The following ARHGAP15 variants were observed in gnomAD, a reference collection of about 807,000 sequenced individuals.
The protein encoded by ARHGAP15 is Rho GTPase activating protein 15.
A neutral mutation model predicts 63.7 loss-of-function variants in ARHGAP15; 51 were observed. The ratio of observed to expected loss-of-function variants is 0.80; its 90% CI spans 0.64 to 1.01. The LOEUF is 1.01. Among genes scored for constraint, ARHGAP15 ranks in the 50% least tolerant of loss-of-function variants. The pLI, the probability that ARHGAP15 is intolerant of heterozygous loss-of-function variation, is 0.00. For missense variants in ARHGAP15, 560 were observed against 564.6 expected (o/e 0.99, Z 0.08); for synonymous variants, 191 against 193.8 (o/e 0.99, Z 0.12).
chr2:143,706,866 G>A (rs1237523100), intron 13 of ARHGAP15, among the ~76,000 whole-genome samples: 1 of 152,102 alleles, frequency 6.6e-6, no homozygotes, highest in Non-Finnish European at 1.5e-5. Context: ...AGGTCCTCTG[G>A]TACCTTCTGA....
chr2:143,202,219 T>C lies in ARHGAP15; in HGVS notation c.234+17T>C, dbSNP rs781617647. ...GAACAACTGGTGAGTGTTTAAGTCA[T>C]TATATTCTTCATCTACTGATACAAA... On this transcript the variant is annotated intron_variant, in intron 3 of 13. Transcript: ENST00000295095. The C allele has an allele frequency of 6.3e-7, 1 of 1,591,332 alleles. No homozygotes were observed. Among genetic ancestry groups the C allele is most frequent in the Admixed American group, 1.7e-5 (1 of 59,786 alleles).
chr2:143,435,556 G>A, intron 6 of ARHGAP15, 45 bp from the exon 7 acceptor site: 6 of 1,495,774 alleles, frequency 4.0e-6, no homozygotes, highest in Non-Finnish European at 5.3e-6. Flanking sequence ...ATCTTACATA[G>A]TTTCTTTACC....
At chr2:143,312,440 TATATG>T (rs1360204071) in intron 6 of ARHGAP15, among the ~76,000 whole-genome samples, 2 of 152,104 alleles carry the variant, frequency 1.3e-5, no homozygotes, top group African/African-American at 2.4e-5. Context: ...CTTTCTATAT[TATATG>T]GCAATCTCTG....
chr2:143,361,641 T>C (rs141065298), intron 6 of ARHGAP15, among the ~76,000 whole-genome samples: 226 of 152,308 alleles, frequency 1.5e-3, no homozygotes, highest in African/African-American at 5.1e-3. Flanking sequence ...TGTCCATCTT[T>C]ACTATTTATG....
At chr2:143,411,515 G>T (rs1477620715) in intron 6 of ARHGAP15, among the ~76,000 whole-genome samples, 2 of 152,076 alleles carry the variant, frequency 1.3e-5, no homozygotes. Flanking sequence ...CTAGTTATTT[G>T]TGTGTTTTGT....
chr2:143,186,625 C>T (rs984398454), intron 2 of ARHGAP15, among the ~76,000 whole-genome samples: 3 of 152,130 alleles, frequency 2.0e-5, no homozygotes, highest in East Asian at 1.9e-4. Context: ...TTTTATCAGC[C>T]TTCACATTTC....
chr2:143,499,321 G>A (rs1039469933), intron 9 of ARHGAP15, among the ~76,000 whole-genome samples: 4 of 152,106 alleles, frequency 2.6e-5, no homozygotes, highest in South Asian at 2.1e-4. Context: ...CAGATGCCTC[G>A]AGATATTAAA....
intron 5 of ARHGAP15, among the ~76,000 whole-genome samples, chr2:143,232,703 G>A (rs1693494743): frequency 6.6e-6 from 1 of 152,086 alleles, no homozygotes; most frequent in African/African-American, 2.4e-5. Flanking sequence ...CTTCTCTGGA[G>A]TTAGCCAAGA....
intron 6 of ARHGAP15, among the ~76,000 whole-genome samples, chr2:143,425,124 A>G (rs575975764): frequency 1.7e-3 from 262 of 152,248 alleles, no homozygotes; most frequent in African/African-American, 6.1e-3. Flanking sequence ...AAGTGGTAAC[A>G]TTTCAATACA....
intron 12 of ARHGAP15, among the ~76,000 whole-genome samples, chr2:143,685,805 T>TTGTC (rs1264669956): frequency 3.9e-5 from 6 of 152,198 alleles, no homozygotes; most frequent in Admixed American, 6.5e-5. Context: ...TTAACTCAAT[T>TTGTC]TGTCAGGAAA....
At chr2:143,148,449 A>C (rs1689680750) in intron 1 of ARHGAP15, among the ~76,000 whole-genome samples, 1 of 152,068 alleles carries the variant, frequency 6.6e-6, no homozygotes, top group Non-Finnish European at 1.5e-5. Flanking sequence ...GGAGTTTGAA[A>C]GGTTAAGAGC....
At chr2:143,419,690 T>A (rs1688835058) in intron 6 of ARHGAP15, among the ~76,000 whole-genome samples, 1 of 151,956 alleles carries the variant, frequency 6.6e-6, no homozygotes, top group Non-Finnish European at 1.5e-5. Context: ...ACATAACATA[T>A]GTATTAAAGA....
intron 1 of ARHGAP15, among the ~76,000 whole-genome samples, chr2:143,144,117 A>G (rs1437263991): frequency 6.6e-6 from 1 of 152,060 alleles, no homozygotes; most frequent in Non-Finnish European, 1.5e-5. Flanking sequence ...ATGACTGTAT[A>G]GTATTCCATA....
intron 13 of ARHGAP15, among the ~76,000 whole-genome samples, chr2:143,728,256 G>A (rs958793634): frequency 6.6e-6 from 1 of 152,008 alleles, no homozygotes; most frequent in Non-Finnish European, 1.5e-5. Context: ...TTTCCCTGGT[G>A]TCTCTCTGCG....
rs532128800 is a variant in ARHGAP15, at chr2:143,330,201, G to C, written c.474+79601G>C. Among the ~76,000 whole-genome samples, 6 of 146,050 alleles carry C rather than the reference G, an allele frequency of 4.1e-5. No individual in the cohort carries two copies. The South Asian group carries it at 1.3e-3, about 33-fold the overall frequency. On this transcript the variant is annotated intron_variant, in intron 6 of 13. Transcript: ENST00000295095. ...AAATTGGCATTAACTTCAATGTTTA[G>C]TGTTTATTTGTCAAAAGCAAGACAG... is the stretch of plus-strand genomic sequence containing the variant.
At chr2:143,419,178 A>G (rs936037146) in intron 6 of ARHGAP15, among the ~76,000 whole-genome samples, 2 of 152,002 alleles carry the variant, frequency 1.3e-5, no homozygotes, top group Non-Finnish European at 2.9e-5. Flanking sequence ...GCCTAATTAT[A>G]AAAGAAATGC....
intron 10 of ARHGAP15, among the ~76,000 whole-genome samples, chr2:143,546,773 A>G (rs1695352247): frequency 6.6e-6 from 1 of 152,192 alleles, no homozygotes; most frequent in Admixed American, 6.5e-5. Flanking sequence ...ACAACATAAA[A>G]GAAACTCAGA....
chr2:143,356,487 A>G (rs1685816061), intron 6 of ARHGAP15, among the ~76,000 whole-genome samples: 1 of 152,160 alleles, frequency 6.6e-6, no homozygotes, highest in African/African-American at 2.4e-5. Context: ...AAATAGTGCG[A>G]AACACTCCAG....
intron 1 of ARHGAP15, among the ~76,000 whole-genome samples, chr2:143,154,195 G>T (rs1442865035): frequency 6.6e-6 from 1 of 151,632 alleles, no homozygotes; most frequent in Non-Finnish European, 1.5e-5. Context: ...TTTTATAGGA[G>T]TTTTTTGAGA....
Sources: allele counts gnomAD v4.1 joint callset (sites outside exome capture counted in the v4.1 genomes callset), GRCh38; gene constraint gnomAD v4.1.1; transcripts MANE v1.5; gene names NCBI Gene and HGNC (gene_info 2026-07-23, HGNC 2026-07-21).